Variants in TENM3 observed in about 807,000 individuals in gnomAD.
The protein encoded by TENM3 is teneurin transmembrane protein 3.
TENM3 carries 63 observed loss-of-function variants against 255.1 expected under a neutral mutation model. That is an observed-to-expected ratio of 0.25 (90% CI 0.20 to 0.30). The LOEUF (loss-of-function observed/expected upper bound fraction) is 0.30, where lower values mean the gene tolerates loss of function less well. TENM3 is among the 10% of genes least tolerant of loss of function. TENM3 has a pLI of 1.00. For missense variants in TENM3, 2,929 were observed against 3,461.1 expected (o/e 0.85, Z 3.86); for synonymous variants, 1,306 against 1,322.3 (o/e 0.99, Z 0.27).
At chr4:182,773,700 G>C (rs1764453122) in intron 23 of TENM3, 53 bp downstream of exon 23, 2 of 1,519,790 alleles carry the variant, frequency 1.3e-6, no homozygotes, top group Non-Finnish European at 1.8e-6. Flanking sequence ...CAGACAGAAT[G>C]CGGCAACACC....
the TENM3 span, among the ~76,000 whole-genome samples, chr4:181,559,523 C>T: frequency 3.9e-5 from 6 of 152,196 alleles, no homozygotes; most frequent in African/African-American, 1.4e-4. Flanking sequence ...CTCTTCCAGT[C>T]TCTGTTTCCT....
the TENM3 span, among the ~76,000 whole-genome samples, chr4:181,696,082 G>A: frequency 1.3e-5 from 2 of 152,150 alleles, no homozygotes; most frequent in Non-Finnish European, 2.9e-5. Flanking sequence ...TATTTTCAAA[G>A]ACTATTCTTT....
the TENM3 span, among the ~76,000 whole-genome samples, chr4:182,119,262 G>T: frequency 3.3e-5 from 5 of 152,222 alleles, no homozygotes; most frequent in African/African-American, 1.2e-4. Context: ...TTTCGAAATG[G>T]CTCCTTTTCC....
the TENM3 span, among the ~76,000 whole-genome samples, chr4:181,915,494 A>G: frequency 6.6e-6 from 1 of 152,136 alleles, no homozygotes; most frequent in Non-Finnish European, 1.5e-5. Context: ...ATTCCATGAG[A>G]AGAATATTAT....
chr4:181,491,713 A>G, the TENM3 span, among the ~76,000 whole-genome samples: 1 of 152,114 alleles, frequency 6.6e-6, no homozygotes, highest in Non-Finnish European at 1.5e-5. Flanking sequence ...CATTGTTGAA[A>G]GTTTGCAGAG....
At chr4:182,116,947 C>T in the TENM3 span, among the ~76,000 whole-genome samples, 1 of 152,164 alleles carries the variant, frequency 6.6e-6, no homozygotes, top group Non-Finnish European at 1.5e-5. Context: ...ACATTCTCAC[C>T]AGCATTTGGT....
rs1437761301 is a variant in TENM3, at chr4:182,680,547, C to A, written c.1644C>A (p.Ala548=). Residue 548 remains alanine, a synonymous_variant, in exon 10 of 28, where the codon GCC becomes GCA. Transcript: ENST00000511685. ...CTGTCGTGTCTTGTTTCACAGCCGCCTGTCCAGTGTTATGTAGTGGCAACG... is the reference window on the plus strand; with the variant it reads ...CTGTCGTGTCTTGTTTCACAGCCGCATGTCCAGTGTTATGTAGTGGCAACG... ...GFLGPDCSRA[A]CPVLCSGNGQ... The A allele has an allele frequency of 6.2e-7, 1 of 1,612,118 alleles. No homozygotes were observed. The highest frequency in any genetic ancestry group is 8.5e-7 in the Non-Finnish European group (1 of 1,179,528).
At chr4:182,013,810 T>C in the TENM3 span, among the ~76,000 whole-genome samples, 1 of 151,656 alleles carries the variant, frequency 6.6e-6, no homozygotes, top group Admixed American at 6.6e-5. Flanking sequence ...GTACTCTCTA[T>C]ATAATATATA....
At chr4:182,033,376 G>A in the TENM3 span, among the ~76,000 whole-genome samples, 1 of 152,110 alleles carries the variant, frequency 6.6e-6, no homozygotes, top group African/African-American at 2.4e-5. Context: ...TTAATCTTGA[G>A]TTCTAAGTTG....
the TENM3 span, among the ~76,000 whole-genome samples, chr4:181,960,352 T>C: frequency 6.6e-6 from 1 of 152,180 alleles, no homozygotes; most frequent in Non-Finnish European, 1.5e-5. Context: ...ATAATTTTAG[T>C]GACTCATAAT....
intron 1 of TENM3, among the ~76,000 whole-genome samples, chr4:182,218,989 G>C (rs571917082): frequency 1.3e-5 from 2 of 152,350 alleles, no homozygotes; most frequent in Admixed American, 1.3e-4. Context: ...CTGGGAGGCC[G>C]AGGCAGGCGG....
intron 1 of TENM3, among the ~76,000 whole-genome samples, chr4:182,188,225 A>G (rs1753292313): frequency 6.6e-6 from 1 of 152,168 alleles, no homozygotes; most frequent in Non-Finnish European, 1.5e-5. Flanking sequence ...AGAGTCAGAA[A>G]AATTACATTC....
the TENM3 span, among the ~76,000 whole-genome samples, chr4:181,953,158 T>G: frequency 4.6e-3 from 699 of 152,302 alleles, 2 homozygotes; most frequent in Admixed American, 9.7e-3. Context: ...CTAAGTAGTG[T>G]CCTAAGTGCT....
chr4:182,794,780 C>G (rs910357853), intron 26 of TENM3, among the ~76,000 whole-genome samples: 1 of 152,182 alleles, frequency 6.6e-6, no homozygotes. Flanking sequence ...CAGACAAGGT[C>G]CTTGCAAGCA....
chr4:181,805,460 C>T, the TENM3 span, among the ~76,000 whole-genome samples: 4 of 152,136 alleles, frequency 2.6e-5, no homozygotes, highest in African/African-American at 9.7e-5. Flanking sequence ...ATTCAAGTGC[C>T]CACGGAAAGG....
intron 3 of TENM3, among the ~76,000 whole-genome samples, chr4:182,488,079 T>C (rs956287461): frequency 6.6e-6 from 1 of 152,188 alleles, no homozygotes; most frequent in Non-Finnish European, 1.5e-5. Flanking sequence ...ATAAAAATAA[T>C]GATTAATTGC....
chr4:181,743,598 A>G, the TENM3 span, among the ~76,000 whole-genome samples: 1 of 152,084 alleles, frequency 6.6e-6, no homozygotes, highest in African/African-American at 2.4e-5. Context: ...TGGTGAGGCG[A>G]ATGCAGCAGA....
At chr4:182,016,112 GT>G in the TENM3 span, among the ~76,000 whole-genome samples, 1 of 152,112 alleles carries the variant, frequency 6.6e-6, no homozygotes, top group Admixed American at 6.5e-5. Flanking sequence ...GGTGTGTTGG[GT>G]TTTTTCCTGG....
At chr4:182,724,557 T>G (rs190960201) in intron 13 of TENM3, among the ~76,000 whole-genome samples, 214 of 152,324 alleles carry the variant, frequency 1.4e-3, no homozygotes, top group African/African-American at 4.7e-3. Context: ...AAAATGCATT[T>G]CCAACTGATT....
Sources: allele counts gnomAD v4.1 joint callset (sites outside exome capture counted in the v4.1 genomes callset), GRCh38; gene constraint gnomAD v4.1.1; transcripts MANE v1.5; gene names NCBI Gene and HGNC (gene_info 2026-07-23, HGNC 2026-07-21).